TEX2: variants seen among roughly 807,000 people sequenced by gnomAD.
TEX2 encodes testis-expressed protein 2.
A neutral mutation model predicts 106.9 loss-of-function variants in TEX2; 53 were observed. The observed-to-expected ratio is 0.50, with a 90% CI of 0.40 to 0.62. TEX2 has a LOEUF of 0.62. Ranked by LOEUF, TEX2 falls within the 20% of genes least tolerant of loss-of-function variation. The probability of loss-of-function intolerance (pLI) is 0.00; values close to 1 mark genes in which losing one functional copy is unlikely to be tolerated. For synonymous variants in TEX2, 523 were observed against 534.8 expected (o/e 0.98, Z 0.30); for missense variants, 1,207 against 1,379.0 (o/e 0.88, Z 1.98).
At chr17:64,168,312 G>A (rs1240043650) in intron 7 of TEX2, among the ~76,000 whole-genome samples, 1 of 152,094 alleles carries the variant, frequency 6.6e-6, no homozygotes, top group Non-Finnish European at 1.5e-5. Context: ...AACCTGATTT[G>A]ATCAAACTTT....
At chr17:64,230,549 G>C (rs535603634) in intron 1 of TEX2, 2 of 152,372 alleles carry the variant, frequency 1.3e-5, no homozygotes, top group African/African-American at 2.4e-5. Context: ...CCACTGATGA[G>C]ATGATTGGGA....
At chr17:64,150,661 G>T (rs1458386481) in intron 11 of TEX2, 180 bp downstream of exon 11, 1 of 548,140 alleles carries the variant, frequency 1.8e-6, no homozygotes, top group Non-Finnish European at 2.9e-6. Flanking sequence ...TAAGTTTCAG[G>T]GCTTTGATAC....
chr17:64,187,205 T>C (rs746299459), intron 5 of TEX2, among the ~76,000 whole-genome samples: 11 of 152,244 alleles, frequency 7.2e-5, no homozygotes, highest in Non-Finnish European at 1.6e-4. Context: ...TGATCCTAAG[T>C]CCGTGTCCGG....
rs1002516698 is a variant in TEX2, at chr17:64,175,128, G to T, written c.2571+2197C>A. On this transcript the variant is annotated intron_variant, in intron 6 of 11. Transcript: ENST00000584379. Reference sequence around the variant, plus strand: ...TAGGCTTAAGGCTTAGTTCCTCCCAGGGGTACTTGGATATTTGGTGGCAAT... The same window carrying T: ...TAGGCTTAAGGCTTAGTTCCTCCCATGGGTACTTGGATATTTGGTGGCAAT... Among the ~76,000 whole-genome samples, 11 of 152,322 alleles carry T rather than the reference G, an allele frequency of 7.2e-5. 1 individual carries two copies. The highest frequency in any genetic ancestry group is 2.2e-4 in the African/African-American group (9 of 41,546).
intron 1 of TEX2, among the ~76,000 whole-genome samples, chr17:64,258,601 C>G (rs1555638094): frequency 6.6e-6 from 1 of 152,134 alleles, no homozygotes; most frequent in African/African-American, 2.4e-5. Context: ...TTTTTCAAAG[C>G]ACTATCACAA....
At chr17:64,168,291 G>A (rs2031231566) in intron 7 of TEX2, among the ~76,000 whole-genome samples, 1 of 152,068 alleles carries the variant, frequency 6.6e-6, no homozygotes, top group Admixed American at 6.5e-5. Flanking sequence ...CATCATTTGT[G>A]GACTTGGAAA....
intron 2 of TEX2, among the ~76,000 whole-genome samples, chr17:64,200,250 T>C (rs543543297): frequency 6.6e-6 from 1 of 152,356 alleles, no homozygotes; most frequent in Admixed American, 6.5e-5. Flanking sequence ...GGCATGTGTG[T>C]TGAGATACAT....
At chr17:64,161,704 G>C (rs1281572480) in intron 7 of TEX2, among the ~76,000 whole-genome samples, 1 of 151,692 alleles carries the variant, frequency 6.6e-6, no homozygotes, top group Non-Finnish European at 1.5e-5. Context: ...ATGCAAACAG[G>C]GTTTATCTCA....
At chr17:64,183,330 T>C (rs943891460) in intron 5 of TEX2, among the ~76,000 whole-genome samples, 11 of 152,248 alleles carry the variant, frequency 7.2e-5, no homozygotes, top group African/African-American at 2.2e-4. Flanking sequence ...GCTCATATGG[T>C]GACTCTGTTT....
chr17:64,194,981 T>A lies in TEX2; in HGVS notation c.1759A>T (p.Asn587Tyr). 6.2e-7 allele frequency: 1 copy of A among 1,614,088 alleles called. No homozygotes were observed. Among genetic ancestry groups the A allele is most frequent in the Non-Finnish European group, 8.5e-7 (1 of 1,179,982 alleles). ...GTLRLSKPNK[N>Y]ISRRASYNEP... ...TTGTAGCTGGCCCTCCTGGATATATTTTTATTGGGCTTTGAAAGTCTTAAG... is the reference window on the plus strand; with the variant it reads ...TTGTAGCTGGCCCTCCTGGATATATATTTATTGGGCTTTGAAAGTCTTAAG... The change falls in exon 3 of 12, where the codon AAT becomes TAT. Residue 587 changes from asparagine (N) to tyrosine (Y), a missense_variant. Around this residue, in one of 3 missense-constraint regions of TEX2, gnomAD observed 1,067 missense variants for 1,193.6 expected, o/e 0.89. Transcript: ENST00000584379.
At chr17:64,161,019 T>A in intron 7 of TEX2, 86 bp from the exon 8 acceptor site, 8 of 1,419,612 alleles carry the variant, frequency 5.6e-6, no homozygotes, top group Non-Finnish European at 7.7e-6. Flanking sequence ...AATATCTAAA[T>A]AGGCACCATA....
intron 7 of TEX2, among the ~76,000 whole-genome samples, chr17:64,166,143 G>A (rs1481103195): frequency 2.6e-5 from 4 of 152,186 alleles, no homozygotes; most frequent in African/African-American, 7.2e-5. Flanking sequence ...TGACAGAAGC[G>A]GCCCCCACCC....
chr17:64,200,837 G>C (rs2032636798), intron 2 of TEX2, among the ~76,000 whole-genome samples: 1 of 151,992 alleles, frequency 6.6e-6, no homozygotes, highest in African/African-American at 2.4e-5. Flanking sequence ...GCTTGGCTTG[G>C]CCCTTCTTCT....
chr17:64,256,549 CT>C (rs2034188197), intron 1 of TEX2, among the ~76,000 whole-genome samples: 1 of 152,178 alleles, frequency 6.6e-6, no homozygotes, highest in Non-Finnish European at 1.5e-5. Context: ...CCCCCAGTTG[CT>C]GGTTTCTTCC....
intron 4 of TEX2, among the ~76,000 whole-genome samples, chr17:64,191,085 T>C (rs2032279706): frequency 6.6e-6 from 1 of 152,170 alleles, no homozygotes; most frequent in Non-Finnish European, 1.5e-5. Flanking sequence ...AATCACACTT[T>C]TGGTGGCTTA....
At chr17:64,239,967 G>T (rs1158570100) in intron 1 of TEX2, among the ~76,000 whole-genome samples, 2 of 149,296 alleles carry the variant, frequency 1.3e-5, no homozygotes, top group South Asian at 2.2e-4. Flanking sequence ...GCCACAAAAG[G>T]TTAACAACTT....
At position 64,195,367 on chromosome 17, in the gene TEX2, T is replaced by C. The variant is rs930471635; in HGVS notation, c.1645-272A>G. Reference sequence around the variant, plus strand: ...AAAAGGTTCTTTCTTTTTTTAAAGCTTATAAGCACATCAGGAAACTCAGAA... The same window carrying C: ...AAAAGGTTCTTTCTTTTTTTAAAGCCTATAAGCACATCAGGAAACTCAGAA... On this transcript the variant is annotated intron_variant, in intron 2 of 11. Transcript: ENST00000584379. This position sits in a 1 kb window ranked among gnomAD's most constrained non-coding sequence, Gnocchi z 4.1. Among the ~76,000 whole-genome samples the C allele has an allele frequency of 6.6e-6, 1 of 152,186 alleles. No homozygotes were observed. Among genetic ancestry groups the C allele is most frequent in the Non-Finnish European group, 1.5e-5 (1 of 68,026 alleles).
At position 64,213,032 on chromosome 17, in the gene TEX2, T is replaced by C; in HGVS notation, c.1186A>G (p.Lys396Glu). The C allele has an allele frequency of 6.2e-7, 1 of 1,614,232 alleles. No individual in the cohort carries two copies. Among genetic ancestry groups the C allele is most frequent in the Non-Finnish European group, 8.5e-7 (1 of 1,180,042 alleles). ...QGSSLKDLGL[K>E]TSSLVLEKCS... Reference sequence around the variant, plus strand: ...TTCTCCAGAACTAGAGAACTTGTCTTCAGGCCTAAATCCTTCAGACTGCTC... The same window carrying C: ...TTCTCCAGAACTAGAGAACTTGTCTCCAGGCCTAAATCCTTCAGACTGCTC... The change falls in exon 2 of 12, where the codon AAG (lysine) becomes GAG (glutamate). Residue 396 changes from lysine to glutamate, a missense_variant. Physicochemically the swap from Lys to Glu is moderately conservative, Grantham distance 56 (BLOSUM62 1). Coordinates refer to ENST00000584379, the MANE Select transcript of TEX2 (RefSeq NM_001288732.2). The surrounding 1 kb of genome is among the most constrained non-coding windows in gnomAD (Gnocchi z 4.4).
rs1000081707 is a variant in TEX2 at position 64,195,524 on chromosome 17, G to A, written c.1645-429C>T. On this transcript the variant is annotated intron_variant, in intron 2 of 11. Transcript: ENST00000584379. The surrounding 1 kb of genome is among the most constrained non-coding windows in gnomAD (Gnocchi z 4.1). ...CCAGTTGGAATCTTTGAAATTTCAGGTATTAATTCATGTTATCACAGGACT... is the reference window on the plus strand; with the variant it reads ...CCAGTTGGAATCTTTGAAATTTCAGATATTAATTCATGTTATCACAGGACT... Among the ~76,000 whole-genome samples the A allele has an allele frequency of 1.3e-5, 2 of 152,210 alleles. No homozygotes were observed. Among genetic ancestry groups the A allele is most frequent in the African/African-American group, 2.4e-5 (1 of 41,526 alleles).
Sources: gnomAD v4.1 joint callset for allele counts (sites outside exome capture counted in the v4.1 genomes callset) on GRCh38, gnomAD v4.1.1 for gene constraint, gnomAD v4.1.1 regional missense constraint, Gnocchi (gnomAD v3.1) non-coding constraint, MANE v1.5 for transcripts, NCBI Gene and HGNC (gene_info 2026-07-23, HGNC 2026-07-21) for gene names.